The following ENPP1 variants were observed in gnomAD, a reference collection of about 807,000 sequenced individuals.
ENPP1 encodes ectonucleotide pyrophosphatase/phosphodiesterase family member 1.
A neutral mutation model predicts 122.8 loss-of-function variants in ENPP1; 73 were observed. The ratio of observed to expected loss-of-function variants is 0.59; its 90% CI spans 0.49 to 0.72. The LOEUF is 0.72. ENPP1 is among the 30% of genes least tolerant of loss of function. The probability of loss-of-function intolerance (pLI) is 0.00; values close to 1 mark genes in which losing one functional copy is unlikely to be tolerated. For missense variants in ENPP1, 978 were observed against 1,128.1 expected, an observed-to-expected ratio of 0.87 and a Z score of 1.91; for synonymous variants, 367 against 391.6, an observed-to-expected ratio of 0.94 and a Z score of 0.74.
chr6:131,837,173 T>A (rs1265519252), intron 1 of ENPP1, among the ~76,000 whole-genome samples: 2 of 15,194 alleles, frequency 1.3e-4, no homozygotes, highest in Non-Finnish European at 1.6e-4. Flanking sequence ...CTGTTGTCAT[T>A]GTGTGTGTGT....
At chr6:131,825,780 G>A (rs550698212) in intron 1 of ENPP1, among the ~76,000 whole-genome samples, 2 of 152,176 alleles carry the variant, frequency 1.3e-5, no homozygotes, top group African/African-American at 4.8e-5. Context: ...GTTGATTTAA[G>A]CCTAAATATA....
At chr6:131,861,862 A>G (rs1240309319) in intron 9 of ENPP1, among the ~76,000 whole-genome samples, 158 bp downstream of exon 9, 1 of 152,140 alleles carries the variant, frequency 6.6e-6, no homozygotes, top group African/African-American at 2.4e-5. Context: ...GATAGATGGT[A>G]AATGGACAGT....
intron 1 of ENPP1, among the ~76,000 whole-genome samples, chr6:131,846,735 A>G (rs555788787): frequency 4.9e-4 from 74 of 152,258 alleles, no homozygotes; most frequent in African/African-American, 1.6e-3. Context: ...TTGGTACTCA[A>G]TTAATATTTT....
intron 11 of ENPP1, 71 bp from the exon 12 acceptor site, chr6:131,867,945 CAG>C: frequency 1.3e-6 from 1 of 764,456 alleles, no homozygotes; most frequent in Non-Finnish European, 2.2e-6. Flanking sequence ...TTTTTTTTAA[CAG>C]AGATAGCTTT....
In ENPP1 at chr6:131,890,583, A is replaced by T; in HGVS notation, c.*72A>T. 7.8e-7 allele frequency: 1 copy of T among 1,284,244 alleles called. No individual in the cohort carries two copies. 79.6% of individuals were successfully genotyped at this position (1,284,244 alleles called of 1,614,324 possible). A position where few individuals can be genotyped will look rare whatever the true frequency, so the allele number is the denominator to read the frequency against. On this transcript the variant is annotated 3_prime_UTR_variant, in exon 25 of 25. Coordinates refer to ENST00000647893, the MANE Select transcript of ENPP1 (RefSeq NM_006208.3). ...ATATTTTATATAGTCCTCTAGCTACACTATTGCATTGTTCAGAAACTGTCG... is the reference window on the plus strand; with the variant it reads ...ATATTTTATATAGTCCTCTAGCTACTCTATTGCATTGTTCAGAAACTGTCG...
chr6:131,872,095 T>C lies in ENPP1; in HGVS notation c.1431T>C (p.Asn477=), dbSNP rs1288448394. 6.3e-7 allele frequency: 1 copy of C among 1,588,304 alleles called. No individual in the cohort carries two copies. Among genetic ancestry groups the C allele is most frequent in the South Asian group, 1.1e-5 (1 of 90,282 alleles). Reference sequence around the variant, plus strand: ...TTAACTATGAAGGCATTGCCCGAAATCTTTCTGTGAGTATCTTTATTTTCC... The same window carrying C: ...TTAACTATGAAGGCATTGCCCGAAACCTTTCTGTGAGTATCTTTATTTTCC... The part of the protein sequence containing the change: ...YSFNYEGIAR[N]LSCREPNQHF... The change falls in exon 14 of 25, where the codon AAT becomes AAC. Residue 477 remains asparagine (N), a synonymous_variant. Transcript: ENST00000647893.
intron 1 of ENPP1, among the ~76,000 whole-genome samples, chr6:131,844,025 A>G (rs1190454695): frequency 6.6e-6 from 1 of 152,162 alleles, no homozygotes; most frequent in Non-Finnish European, 1.5e-5. Context: ...TGACATGCCT[A>G]TCTCTGAGCC....
intron 6 of ENPP1, among the ~76,000 whole-genome samples, chr6:131,856,967 A>G (rs1204476386): frequency 2.6e-5 from 4 of 152,050 alleles, no homozygotes; most frequent in Non-Finnish European, 5.9e-5. Context: ...TGACTTGGCG[A>G]TGCGGGCTCT....
Position 131,812,995 on chromosome 6 carries a change from A to G in ENPP1, c.240+4720A>G, listed in dbSNP as rs536563128. On this transcript the variant is annotated intron_variant, in intron 1 of 24. Transcript: ENST00000647893. ...GCTGGGATTACAGGCACACACCACC[A>G]CTCCTGGCTAATTTTTTTGTATTTT... Among the ~76,000 whole-genome samples, 127 of 151,046 alleles carry G rather than the reference A, an allele frequency of 8.4e-4. 1 individual carries two copies. The highest frequency in any genetic ancestry group is 2.9e-3 in the African/African-American group (121 of 41,082).
chr6:131,850,616 T>A (rs888555279), intron 3 of ENPP1, among the ~76,000 whole-genome samples: 1 of 152,218 alleles, frequency 6.6e-6, no homozygotes, highest in Non-Finnish European at 1.5e-5. Context: ...TCACCCAGGC[T>A]GGAGAGCCGT....
intron 1 of ENPP1, among the ~76,000 whole-genome samples, chr6:131,834,065 A>C (rs1781644655): frequency 6.6e-6 from 1 of 152,214 alleles, no homozygotes; most frequent in African/African-American, 2.4e-5. Context: ...TCATGGAGTG[A>C]AGGTGAACAT....
intron 22 of ENPP1, among the ~76,000 whole-genome samples, chr6:131,884,214 T>C (rs1348436550): frequency 6.6e-6 from 1 of 152,238 alleles, no homozygotes. Context: ...TATCAAAATA[T>C]AAGCATATAA....
At chr6:131,829,262 C>A (rs1781581879) in intron 1 of ENPP1, among the ~76,000 whole-genome samples, 1 of 152,238 alleles carries the variant, frequency 6.6e-6, no homozygotes, top group African/African-American at 2.4e-5. Context: ...CTTTACAATT[C>A]TTTTCTAAAG....
intron 1 of ENPP1, among the ~76,000 whole-genome samples, chr6:131,813,444 C>T (rs367840303): frequency 3.3e-5 from 5 of 151,694 alleles, no homozygotes; most frequent in East Asian, 3.9e-4. Context: ...GCAGGAGAAT[C>T]GCTTGAACCT....
chr6:131,821,686 T>C (rs1043105548), intron 1 of ENPP1, among the ~76,000 whole-genome samples: 1 of 152,240 alleles, frequency 6.6e-6, no homozygotes, highest in Non-Finnish European at 1.5e-5. Context: ...TGCTGTTACC[T>C]GATAACATTC....
intron 11 of ENPP1, 91 bp from the exon 12 acceptor site, chr6:131,867,927 C>CTTTTTTTTTTTTT: frequency 2.7e-6 from 2 of 737,794 alleles, no homozygotes; most frequent in South Asian, 1.6e-5. Flanking sequence ...TTGTTTCTTT[C>CTTTTTTTTTTTTT]TTTTTTTTTT....
intron 6 of ENPP1, 124 bp downstream of exon 6, chr6:131,855,147 G>GTT: frequency 1.3e-6 from 1 of 754,348 alleles, no homozygotes; most frequent in Non-Finnish European, 2.4e-6. Flanking sequence ...CTATGGCAAA[G>GTT]TAGTTGAACC....
At chr6:131,813,355 C>CT (rs947374662) in intron 1 of ENPP1, among the ~76,000 whole-genome samples, 3 of 151,584 alleles carry the variant, frequency 2.0e-5, no homozygotes, top group African/African-American at 4.9e-5. Context: ...GGTGAAACCT[C>CT]TTTTTTTGTA....
At chr6:131,880,955 TAGA>T (rs1782297598) in intron 20 of ENPP1, among the ~76,000 whole-genome samples, 1 of 151,816 alleles carries the variant, frequency 6.6e-6, no homozygotes, top group South Asian at 2.1e-4. Flanking sequence ...GGTGCTCTGG[TAGA>T]AGGAGGAATG....
Sources: gnomAD v4.1 joint callset for allele counts (sites outside exome capture counted in the v4.1 genomes callset) on GRCh38, gnomAD v4.1.1 for gene constraint, MANE v1.5 for transcripts, NCBI Gene and HGNC (gene_info 2026-07-23, HGNC 2026-07-21) for gene names.